The following GALNT7 variants were observed in gnomAD, a reference collection of about 807,000 sequenced individuals.
GALNT7 encodes the protein N-acetylgalactosaminyltransferase 7.
Under a neutral mutation model 82.1 loss-of-function variants are expected in GALNT7, and 60 were observed. That is an observed-to-expected ratio of 0.73 (90% confidence interval 0.59 to 0.91). The LOEUF (loss-of-function observed/expected upper bound fraction) is 0.91. Among genes scored for constraint, GALNT7 ranks in the 40% least tolerant of loss-of-function variants. GALNT7 has a pLI of 0.00. For missense variants in GALNT7, 660 were observed against 804.2 expected, an observed-to-expected ratio of 0.82 and a Z score of 2.17; for synonymous variants, 243 against 275.1, an observed-to-expected ratio of 0.88 and a Z score of 1.15.
chr4:173,183,704 C>T (rs1470636251), intron 1 of GALNT7, among the ~76,000 whole-genome samples: 1 of 148,138 alleles, frequency 6.8e-6, no homozygotes, highest in African/African-American at 2.5e-5. Flanking sequence ...GAAGCGCCCC[C>T]CCACCTCCCA....
At chr4:173,233,375 C>T (rs1734106403) in intron 1 of GALNT7, among the ~76,000 whole-genome samples, 1 of 152,194 alleles carries the variant, frequency 6.6e-6, no homozygotes, top group South Asian at 2.1e-4. Flanking sequence ...AGTTCCCTTA[C>T]TCTGCATGTT....
At chr4:173,234,237 G>A (rs139495437) in intron 1 of GALNT7, among the ~76,000 whole-genome samples, 2 of 152,212 alleles carry the variant, frequency 1.3e-5, no homozygotes, top group East Asian at 3.9e-4. Context: ...ATTCCTCAAG[G>A]CGGGATCCAA....
chr4:173,175,190 A>G (rs1731998195), intron 1 of GALNT7, among the ~76,000 whole-genome samples: 1 of 152,260 alleles, frequency 6.6e-6, no homozygotes, highest in South Asian at 2.1e-4. Context: ...ATTCCTGAAG[A>G]ATGAATGTAC....
In GALNT7 at chr4:173,304,038, C is replaced by T. The variant is rs1431252864; in HGVS notation, c.1309C>T (p.Arg437Cys). The stretch of plus-strand genomic sequence containing the variant: ...CAAATTATTATTTGTTCCTTGTTCT[C>T]GTGTTGGACATATCTACCGTCTTGA... ...GGKLLFVPCS[R>C]VGHIYRLEGW... is the part of the protein sequence containing the mutation. The change falls in exon 8 of 12, where the codon CGT becomes TGT. Residue 437 changes from arginine to cysteine, a missense_variant. Transcript: ENST00000265000. 1.9e-6 allele frequency: 3 copies of T among 1,611,180 alleles called. No homozygotes were observed. Among genetic ancestry groups the T allele is most frequent in the African/African-American group, 2.7e-5 (2 of 74,804 alleles).
At chr4:173,170,247 G>T (rs1010708259) in intron 1 of GALNT7, among the ~76,000 whole-genome samples, 1 of 152,244 alleles carries the variant, frequency 6.6e-6, no homozygotes, top group Non-Finnish European at 1.5e-5. Flanking sequence ...CGCCGAGGCG[G>T]CGGGGCTGCA....
At chr4:173,270,216 C>A (rs1231583022) in intron 2 of GALNT7, among the ~76,000 whole-genome samples, 1 of 151,958 alleles carries the variant, frequency 6.6e-6, no homozygotes, top group Non-Finnish European at 1.5e-5. Flanking sequence ...AATGTTTTTC[C>A]CTTTAAACTG....
rs181779545 is a variant in GALNT7, at chr4:173,277,101, A to G, written c.588-15007A>G. On this transcript the variant is annotated intron_variant, in intron 2 of 11. Coordinates refer to ENST00000265000, the MANE Select transcript of GALNT7 (RefSeq NM_017423.3). ...TCAGTTTAACTCTTAGTTCATTAAT[A>G]TATAATAAACTAAAATTTACAAAAA... Among the ~76,000 whole-genome samples the G allele has an allele frequency of 2.7e-4, 41 of 152,338 alleles. 1 individual carries two copies. The East Asian group carries it at 5.2e-3, about 19-fold the overall frequency.
chr4:173,263,090 C>T (rs1307937952), intron 2 of GALNT7, among the ~76,000 whole-genome samples: 1 of 152,118 alleles, frequency 6.6e-6, no homozygotes, highest in Non-Finnish European at 1.5e-5. Flanking sequence ...TAAATATCCA[C>T]ACAGTGAAAA....
intron 1 of GALNT7, among the ~76,000 whole-genome samples, chr4:173,236,781 C>T (rs1182372205): frequency 3.3e-5 from 5 of 152,208 alleles, no homozygotes; most frequent in Non-Finnish European, 7.3e-5. Flanking sequence ...CAGGCTGTGA[C>T]TCCCTTAGAG....
In GALNT7 at chr4:173,253,124, C is replaced by T. The variant is rs368044391; in HGVS notation, c.587+4684C>T. Among the ~76,000 whole-genome samples the T allele has an allele frequency of 5.9e-5, 9 of 152,098 alleles. No homozygotes were observed. In the East Asian group the frequency reaches 1.2e-3, roughly 20 times the overall value. On this transcript the variant is annotated intron_variant, in intron 2 of 11. Coordinates refer to ENST00000265000, the MANE Select transcript of GALNT7 (RefSeq NM_017423.3). ...GGCTGAGGTGAGAGGATCCCTTGAG[C>T]CTAGGAGGCAGAGGTTGCAGTGAGC... is the stretch of plus-strand genomic sequence containing the variant.
chr4:173,173,862 G>C (rs972521824), intron 1 of GALNT7, among the ~76,000 whole-genome samples: 4 of 152,208 alleles, frequency 2.6e-5, no homozygotes, highest in African/African-American at 9.6e-5. Context: ...TAACAGGTTT[G>C]AAAGGAATAT....
chr4:173,267,902 G>A (rs1735561368), intron 2 of GALNT7, among the ~76,000 whole-genome samples: 2 of 152,158 alleles, frequency 1.3e-5, no homozygotes, highest in South Asian at 2.1e-4. Flanking sequence ...GTGTGGCATA[G>A]AGAAGCTTCA....
At position 173,322,600 on chromosome 4, in the gene GALNT7, C is replaced by G. The variant is rs1737863958; in HGVS notation, c.*883C>G. The G allele has an allele frequency of 6.6e-6, 1 of 152,168 alleles. No homozygotes were observed. Among genetic ancestry groups the G allele is most frequent in the Admixed American group, 6.6e-5 (1 of 15,264 alleles). The allele number at this position is 152,168 out of a possible 1,614,324, so 9.4% of individuals were successfully genotyped here. A position where few individuals can be genotyped will look rare whatever the true frequency, so the allele number is the denominator to read the frequency against. On this transcript the variant is annotated 3_prime_UTR_variant, in exon 12 of 12. Coordinates refer to ENST00000265000, the MANE Select transcript of GALNT7 (RefSeq NM_017423.3). ...TTTGGGATTTACTTTTCTCCAATAC[C>G]TGCCAATACAGAAAACTATTATCAG...
chr4:173,172,750 G>A (rs921703286), intron 1 of GALNT7, among the ~76,000 whole-genome samples: 1 of 152,200 alleles, frequency 6.6e-6, no homozygotes, highest in African/African-American at 2.4e-5. Flanking sequence ...CCTGAGGCAG[G>A]AGGTAGCATG....
At chr4:173,318,183 A>G (rs1362395107) in intron 10 of GALNT7, among the ~76,000 whole-genome samples, 1 of 152,164 alleles carries the variant, frequency 6.6e-6, no homozygotes, top group African/African-American at 2.4e-5. Context: ...TTGGTACTTA[A>G]TAAATTTGTG....
chr4:173,252,108 T>G (rs1018077916), intron 2 of GALNT7, among the ~76,000 whole-genome samples: 1 of 152,206 alleles, frequency 6.6e-6, no homozygotes, highest in Non-Finnish European at 1.5e-5. Flanking sequence ...TAACCAACCA[T>G]GAATAAAAAT....
intron 11 of GALNT7, 72 bp from the exon 12 acceptor site, chr4:173,321,508 C>A (rs1271420157): frequency 8.6e-6 from 9 of 1,052,044 alleles, no homozygotes; most frequent in Admixed American, 5.6e-5. Context: ...TCATGAAAGT[C>A]AAGTGATGAT....
intron 2 of GALNT7, among the ~76,000 whole-genome samples, chr4:173,249,969 T>C (rs1318239151): frequency 6.6e-6 from 1 of 152,152 alleles, no homozygotes; most frequent in Non-Finnish European, 1.5e-5. Flanking sequence ...ACTGGTGGCA[T>C]TTCATCACTG....
rs953299862 is a variant in GALNT7, at chr4:173,292,635, C to T, written c.754+361C>T. 6.6e-6 allele frequency among the ~76,000 whole-genome samples: 1 copy of T among 152,166 alleles called. No individual in the cohort carries two copies. Among genetic ancestry groups the T allele is most frequent in the African/African-American group, 2.4e-5 (1 of 41,458 alleles). The stretch of plus-strand genomic sequence containing the variant: ...TCAAAATGGCTTTATAAAAAAGCTT[C>T]CTCCAAAATTTAATTGAGAATTCTT... On this transcript the variant is annotated intron_variant, in intron 3 of 11. Coordinates refer to ENST00000265000, the MANE Select transcript of GALNT7 (RefSeq NM_017423.3). This position sits in a 1 kb window ranked among gnomAD's most constrained non-coding sequence, Gnocchi z 4.8.
Sources: gnomAD v4.1 joint callset for allele counts (sites outside exome capture counted in the v4.1 genomes callset) on GRCh38, gnomAD v4.1.1 for gene constraint, Gnocchi (gnomAD v3.1) non-coding constraint, MANE v1.5 for transcripts, NCBI Gene and HGNC (gene_info 2026-07-23, HGNC 2026-07-21) for gene names.